The following DTD1 variants were observed in gnomAD, a reference collection of about 807,000 sequenced individuals.
DTD1 encodes D-aminoacyl-tRNA deacylase 1, also known as D-tyrosyl-tRNA deacylase 1 homolog.
DTD1 carries 13 observed loss-of-function variants against 25.6 expected under a neutral mutation model. That is an observed-to-expected ratio of 0.51 (90% CI 0.33 to 0.81). The LOEUF is 0.81. Ranked by LOEUF, DTD1 falls within the 30% of genes least tolerant of loss-of-function variation. The probability of loss-of-function intolerance (pLI) is 0.02; values close to 1 mark genes in which losing one functional copy is unlikely to be tolerated. For synonymous variants in DTD1, 110 were observed against 103.6 expected (o/e 1.06, Z -0.37); for missense variants, 193 against 266.4 (o/e 0.72, Z 1.92).
chr20:18,751,201 G>T (rs1034655574), intron 5 of DTD1, among the ~76,000 whole-genome samples: 1 of 152,080 alleles, frequency 6.6e-6, no homozygotes, highest in African/African-American at 2.4e-5. Flanking sequence ...ATCAACATTT[G>T]TACCACATTC....
chr20:18,695,056 C>T (rs1600374133), intron 4 of DTD1, among the ~76,000 whole-genome samples: 1 of 152,108 alleles, frequency 6.6e-6, no homozygotes, highest in Non-Finnish European at 1.5e-5. Context: ...ATACTCAGCG[C>T]GTGTTCTGCG....
At chr20:18,607,257 G>A (rs1303025900) in intron 3 of DTD1, among the ~76,000 whole-genome samples, 1 of 152,000 alleles carries the variant, frequency 6.6e-6, no homozygotes, top group Non-Finnish European at 1.5e-5. Flanking sequence ...TGCCTTCCGG[G>A]TTCAAACGAT....
At chr20:18,726,790 T>G (rs187270700) in intron 4 of DTD1, among the ~76,000 whole-genome samples, 1 of 152,316 alleles carries the variant, frequency 6.6e-6, no homozygotes, top group African/African-American at 2.4e-5. Context: ...TTATGGTAAT[T>G]AATACCATGC....
At chr20:18,719,993 A>T (rs984145331) in intron 4 of DTD1, among the ~76,000 whole-genome samples, 1 of 152,238 alleles carries the variant, frequency 6.6e-6, no homozygotes. Flanking sequence ...TTCCTTACAG[A>T]ACAAACAGAT....
At chr20:18,716,165 A>T (rs142690269) in intron 4 of DTD1, among the ~76,000 whole-genome samples, 1 of 152,294 alleles carries the variant, frequency 6.6e-6, no homozygotes, top group Non-Finnish European at 1.5e-5. Context: ...AATGTAACCC[A>T]TGTGGTTTGT....
chr20:18,716,788 C>T (rs867882132), intron 4 of DTD1, among the ~76,000 whole-genome samples: 1 of 152,178 alleles, frequency 6.6e-6, no homozygotes, highest in Admixed American at 6.5e-5. Flanking sequence ...ATCAGAGAAG[C>T]CTTACTGGTA....
At chr20:18,681,675 A>G (rs1045760672) in intron 4 of DTD1, among the ~76,000 whole-genome samples, 1 of 152,208 alleles carries the variant, frequency 6.6e-6, no homozygotes, top group Non-Finnish European at 1.5e-5. Flanking sequence ...CAGGGAAGTT[A>G]TCCTTTAGAA....
At chr20:18,661,070 C>T (rs1180882770) in intron 4 of DTD1, among the ~76,000 whole-genome samples, 2 of 152,138 alleles carry the variant, frequency 1.3e-5, no homozygotes, top group Non-Finnish European at 2.9e-5. Flanking sequence ...CTTGTGTGGT[C>T]TGTTTGTGGG....
intron 3 of DTD1, among the ~76,000 whole-genome samples, chr20:18,625,028 A>G (rs1418303771): frequency 6.6e-6 from 1 of 152,168 alleles, no homozygotes; most frequent in Non-Finnish European, 1.5e-5. Context: ...CCTTCTTGCT[A>G]CAAAGTTCCA....
intron 4 of DTD1, among the ~76,000 whole-genome samples, chr20:18,643,891 T>C (rs762683008): frequency 6.6e-6 from 1 of 152,188 alleles, no homozygotes; most frequent in Non-Finnish European, 1.5e-5. Flanking sequence ...TGCACTTGTA[T>C]GTGCACAGGT....
At chr20:18,671,763 G>C (rs549287319) in intron 4 of DTD1, among the ~76,000 whole-genome samples, 1 of 152,118 alleles carries the variant, frequency 6.6e-6, no homozygotes, top group Non-Finnish European at 1.5e-5. Context: ...AGCCCCCTTG[G>C]TCCTCACCAG....
At chr20:18,713,529 CAG>C (rs757396010) in intron 4 of DTD1, among the ~76,000 whole-genome samples, 2 of 152,136 alleles carry the variant, frequency 1.3e-5, no homozygotes, top group African/African-American at 2.4e-5. Context: ...GTTTTTGGTC[CAG>C]AGACTGGAGC....
chr20:18,674,584 A>T (rs1269809327), intron 4 of DTD1: 1 of 152,242 alleles, frequency 6.6e-6, no homozygotes, highest in Non-Finnish European at 1.5e-5. Flanking sequence ...CTCCAGATTG[A>T]TTCCTAGTGC....
chr20:18,701,184 C>T (rs2061103164), intron 4 of DTD1, among the ~76,000 whole-genome samples: 1 of 152,152 alleles, frequency 6.6e-6, no homozygotes, highest in Non-Finnish European at 1.5e-5. Context: ...GTGCTTTGCA[C>T]AAGAACCTAG....
chr20:18,591,749 A>G (rs947621981), intron 1 of DTD1, among the ~76,000 whole-genome samples: 1 of 152,184 alleles, frequency 6.6e-6, no homozygotes, highest in African/African-American at 2.4e-5. Flanking sequence ...CAATATTGTA[A>G]GAAAGTAATG....
chr20:18,643,296 G>T, intron 4 of DTD1: 1 of 332,688 alleles, frequency 3.0e-6, no homozygotes, highest in Admixed American at 3.0e-5. Context: ...TGTTGAGAGT[G>T]CGTAGTTGAG....
chr20:18,595,961 G>A, intron 2 of DTD1, 45 bp from the exon 3 acceptor site: 3 of 1,553,698 alleles, frequency 1.9e-6, no homozygotes, highest in Non-Finnish European at 1.8e-6. Context: ...GTGTTGGGGG[G>A]CTTGTGATCT....
chr20:18,699,386 A>G (rs899947347), intron 4 of DTD1, among the ~76,000 whole-genome samples: 2 of 152,090 alleles, frequency 1.3e-5, no homozygotes, highest in Admixed American at 1.3e-4. Flanking sequence ...GAGAAGTGGG[A>G]GATGTGGAGA....
intron 4 of DTD1, among the ~76,000 whole-genome samples, chr20:18,661,795 C>T (rs192808660): frequency 6.6e-6 from 1 of 152,160 alleles, no homozygotes; most frequent in East Asian, 1.9e-4. Flanking sequence ...GCTGAAGAGC[C>T]ATAGGAAACG....
Sources: allele counts gnomAD v4.1 joint callset (sites outside exome capture counted in the v4.1 genomes callset), GRCh38; gene constraint gnomAD v4.1.1; transcripts MANE v1.5; gene names NCBI Gene and HGNC (gene_info 2026-07-23, HGNC 2026-07-21).